The following ZNF536 variants were observed in gnomAD, a reference collection of about 807,000 sequenced individuals.
ZNF536 encodes zinc finger protein 536.
In ZNF536, 13 loss-of-function variants were observed where a neutral mutation model predicts 84.5. The observed-to-expected ratio is 0.15, with a 90% CI of 0.10 to 0.24. The LOEUF is 0.24. Ranked by LOEUF, ZNF536 falls within the 10% of genes least tolerant of loss-of-function variation. The pLI is 1.00. For synonymous variants in ZNF536, 811 were observed against 742.5 expected, an observed-to-expected ratio of 1.09 and a Z score of -1.50; for missense variants, 1,536 against 1,747.5, an observed-to-expected ratio of 0.88 and a Z score of 2.16.
Position 30,443,633 on chromosome 19 carries a change from C to T in ZNF536, c.71C>T (p.Pro24Leu), listed in dbSNP as rs752485898. Reference sequence around the variant, plus strand: ...GAAGCTGAGCCCCACCTGAGTGGCCCCGTCCTCAACGGCCAGTATGCCATG... The same window carrying T: ...GAAGCTGAGCCCCACCTGAGTGGCCTCGTCCTCAACGGCCAGTATGCCATG... ...EPEAEPHLSG[P>L]VLNGQYAMSQ... Residue 24 changes from proline to leucine, a missense_variant, in exon 2 of 5, where the codon CCC becomes CTC. By Grantham distance (98) the Pro-to-Leu change is moderately conservative. This residue lies in a region of ZNF536 where 161 missense variants were observed against 178.5 expected (regional missense o/e 0.90). Coordinates refer to ENST00000355537, the MANE Select transcript of ZNF536 (RefSeq NM_014717.3). 1.9e-6 allele frequency: 3 copies of T among 1,610,956 alleles called. No individual in the cohort carries two copies. Among genetic ancestry groups the T allele is most frequent in the Admixed American group, 1.7e-5 (1 of 59,606 alleles).
chr19:30,252,387 CA>C (rs1356051397), intron 1 of ZNF536, among the ~76,000 whole-genome samples: 4 of 152,170 alleles, frequency 2.6e-5, no homozygotes, highest in African/African-American at 7.2e-5. Flanking sequence ...CTAGTCTCCC[CA>C]GGGGGATCTG....
intron 1 of ZNF536, among the ~76,000 whole-genome samples, chr19:30,655,154 T>A (rs1351809602): frequency 6.6e-6 from 1 of 152,124 alleles, no homozygotes; most frequent in African/African-American, 2.4e-5. Context: ...GTTAAATAAA[T>A]CTCACATGAG....
At chr19:30,341,137 T>G (rs1206574170) in intron 2 of ZNF536, among the ~76,000 whole-genome samples, 1 of 152,218 alleles carries the variant, frequency 6.6e-6, no homozygotes, top group Non-Finnish European at 1.5e-5. Flanking sequence ...TTAAGAGCAG[T>G]TTTTATAACA....
intron 1 of ZNF536, chr19:30,436,472 C>CA (rs34138701): frequency 0.089 from 76,851 of 866,656 alleles, 1,273 homozygotes; most frequent in African/African-American, 0.17. Context: ...TGTAAGAGAT[C>CA]AAAAAAAAAA....
intron 1 of ZNF536, among the ~76,000 whole-genome samples, chr19:30,620,658 T>C (rs2048450786): frequency 6.6e-6 from 1 of 152,170 alleles, no homozygotes; most frequent in African/African-American, 2.4e-5. Context: ...GTGAGCTGTC[T>C]AAAGGGGTGT....
rs1310991124 is a variant in ZNF536 at position 30,332,492 on chromosome 19, C to T, written c.-119-19876C>T. The stretch of plus-strand genomic sequence containing the variant: ...CTGCTCCTCCGTCAGAACTGCCCTT[C>T]CCTCCATCCTTTGCAGCTGGCTTGT... On this transcript the variant is annotated intron_variant, in intron 2 of 5. Coordinates refer to the ZNF536 transcript ENST00000585628. 2.0e-5 allele frequency among the ~76,000 whole-genome samples: 3 copies of T among 152,294 alleles called. No homozygotes were observed. The East Asian group carries it at 5.8e-4, about 29-fold the overall frequency.
At chr19:30,441,711 G>A (rs1260893306) in intron 1 of ZNF536, among the ~76,000 whole-genome samples, 1 of 152,216 alleles carries the variant, frequency 6.6e-6, no homozygotes, top group Non-Finnish European at 1.5e-5. Flanking sequence ...CTTCTCCTAT[G>A]GCAAGTGCCC....
At chr19:30,226,999 G>T (rs1438266737), upstream of ZNF536, among the ~76,000 whole-genome samples, 1 of 146,124 alleles carries the variant, frequency 6.8e-6, no homozygotes, top group Non-Finnish European at 1.5e-5. This position sits in a 1 kb window ranked among gnomAD's most constrained non-coding sequence, Gnocchi z 4.6. Context: ...AAAAAAAAAA[G>T]TTAGGGTTGG....
intron 1 of ZNF536, among the ~76,000 whole-genome samples, chr19:30,397,935 T>C (rs919229533): frequency 5.9e-5 from 9 of 152,208 alleles, no homozygotes; most frequent in African/African-American, 2.2e-4. Flanking sequence ...AGGTCTAGGA[T>C]GTTAGAAAGT....
At chr19:30,318,112 T>C (rs1212170628) in intron 2 of ZNF536, among the ~76,000 whole-genome samples, 1 of 152,178 alleles carries the variant, frequency 6.6e-6, no homozygotes, top group East Asian at 1.9e-4. Context: ...CCAAGGTCCT[T>C]GTGATCACAT....
At chr19:30,343,386 A>T (rs1381954894) in intron 2 of ZNF536, among the ~76,000 whole-genome samples, 1 of 152,024 alleles carries the variant, frequency 6.6e-6, no homozygotes, top group African/African-American at 2.4e-5. Context: ...GGGGTGGGGG[A>T]GCATCTCTTC....
intron 2 of ZNF536, among the ~76,000 whole-genome samples, chr19:30,500,879 C>G (rs905791298): frequency 6.6e-6 from 1 of 152,244 alleles, no homozygotes; most frequent in Non-Finnish European, 1.5e-5. Context: ...CTTTCTCATT[C>G]AGACCCATGC....
intron 1 of ZNF536, among the ~76,000 whole-genome samples, chr19:30,276,104 G>C (rs1600019434): frequency 6.6e-6 from 1 of 152,096 alleles, no homozygotes; most frequent in Non-Finnish European, 1.5e-5. Context: ...GGCCACCGGG[G>C]GAGTGCAGGG....
At chr19:30,614,862 G>A (rs924278678) in intron 1 of ZNF536, among the ~76,000 whole-genome samples, 6 of 146,396 alleles carry the variant, frequency 4.1e-5, no homozygotes, top group African/African-American at 1.5e-4. Flanking sequence ...AGATTTATCA[G>A]TCACGTTATG....
At chr19:30,369,981 CA>C (rs1377602575), upstream of ZNF536, among the ~76,000 whole-genome samples, 1 of 152,108 alleles carries the variant, frequency 6.6e-6, no homozygotes, top group Non-Finnish European at 1.5e-5. Context: ...GGGGGATGGC[CA>C]TCGCTGAGAA....
At chr19:30,633,309 A>G (rs2048954990) in intron 1 of ZNF536, among the ~76,000 whole-genome samples, 1 of 152,232 alleles carries the variant, frequency 6.6e-6, no homozygotes, top group Non-Finnish European at 1.5e-5. Flanking sequence ...CTAGTTTTAT[A>G]TAATTATGAG....
intron 1 of ZNF536, among the ~76,000 whole-genome samples, chr19:30,628,603 T>C (rs1054750099): frequency 6.6e-6 from 1 of 152,084 alleles, no homozygotes; most frequent in South Asian, 2.1e-4. Context: ...TAAGTTTTTG[T>C]ATTTTTTAGT....
In ZNF536 at chr19:30,547,960, T is replaced by C. The variant is rs2146173972; in HGVS notation, c.2341T>C (p.Cys781Arg). 6.4e-7 allele frequency: 1 copy of C among 1,565,744 alleles called. No individual in the cohort carries two copies. The highest frequency in any genetic ancestry group is 8.6e-7 in the Non-Finnish European group (1 of 1,157,724). Reference protein sequence around the residue: ...RIHTGEKPYKCPHCDYAGTQS... With the variant: ...RIHTGEKPYKRPHCDYAGTQS... ...TCTTGCAGGTGAGAAACCCTACAAG[T>C]GTCCGCACTGTGACTATGCCGGCAC... Residue 781 changes from cysteine (C) to arginine (R), a missense_variant, in exon 4 of 5, where the codon TGT becomes CGT. Physicochemically the swap from Cys to Arg is radical, Grantham distance 180. This residue lies in a region of ZNF536 where 148 missense variants were observed against 205.4 expected (regional missense o/e 0.72). Transcript: ENST00000355537.
chr19:30,235,420 G>A (rs923322084), intron 1 of ZNF536, among the ~76,000 whole-genome samples: 4 of 152,146 alleles, frequency 2.6e-5, no homozygotes, highest in African/African-American at 9.7e-5. Flanking sequence ...AATGTCAACC[G>A]GAACTTGCTA....
Sources: gnomAD v4.1 joint callset for allele counts (sites outside exome capture counted in the v4.1 genomes callset) on GRCh38, gnomAD v4.1.1 for gene constraint, gnomAD v4.1.1 regional missense constraint, Gnocchi (gnomAD v3.1) non-coding constraint, MANE v1.5 for transcripts, NCBI Gene and HGNC (gene_info 2026-07-23, HGNC 2026-07-21) for gene names.